The following ENOSF1 variants were observed in gnomAD, a reference collection of about 807,000 sequenced individuals.
The protein encoded by ENOSF1 is enolase superfamily member 1.
ENOSF1 carries 73 observed loss-of-function variants against 68.2 expected under a neutral mutation model. The observed-to-expected ratio is 1.07, with a 90% CI of 0.89 to 1.30. The LOEUF is 1.30. Ranked by LOEUF, ENOSF1 falls within the 50% of genes most tolerant of loss-of-function variation. ENOSF1 has a pLI of 0.00. For synonymous variants in ENOSF1, 223 were observed against 210.4 expected (o/e 1.06, Z -0.52); for missense variants, 589 against 554.5 (o/e 1.06, Z -0.62).
At chr18:676,692 G>A (rs1384272044) in intron 14 of ENOSF1, among the ~76,000 whole-genome samples, 1 of 152,194 alleles carries the variant, frequency 6.6e-6, no homozygotes, top group African/African-American at 2.4e-5. Context: ...TATATTAAAA[G>A]ACAGCACCTG....
chr18:704,440 G>GAAAAAAAAAAAAAA (rs11429267), intron 2 of ENOSF1, among the ~76,000 whole-genome samples: 2 of 97,254 alleles, frequency 2.1e-5, no homozygotes, highest in African/African-American at 3.8e-5. Context: ...AAAAAGAAAA[G>GAAAAAAAAAAAAAA]AAAAAAAAAA....
chr18:686,075 C>G, intron 9 of ENOSF1, 67 bp from the exon 10 acceptor site: 1 of 1,104,618 alleles, frequency 9.1e-7, no homozygotes, highest in Non-Finnish European at 1.4e-6. Flanking sequence ...TCTGGAGTTT[C>G]TGCAGAAGTG....
intron 10 of ENOSF1, 71 bp from the exon 11 acceptor site, chr18:683,451 G>A: frequency 6.3e-7 from 1 of 1,577,876 alleles, no homozygotes; most frequent in East Asian, 2.3e-5. Context: ...GGCTCCCAGG[G>A]AGGAAATGCT....
At position 702,993 on chromosome 18, in the gene ENOSF1, G is replaced by C. The variant is rs112456552; in HGVS notation, c.193+3477C>G. Among the ~76,000 whole-genome samples the C allele has an allele frequency of 4.9e-3, 746 of 152,248 alleles. 6 individuals carry two copies. The highest frequency in any genetic ancestry group is 0.017 in the African/African-American group (703 of 41,542). On this transcript the variant is annotated intron_variant, in intron 2 of 15. Transcript: ENST00000647584. ...GCAGAAGAACCAGGATGAGCTAATG[G>C]AATTTTTCATCTTTAGTGTGAGTGC...
At chr18:701,206 T>G (rs1196820895) in intron 2 of ENOSF1, among the ~76,000 whole-genome samples, 1 of 152,172 alleles carries the variant, frequency 6.6e-6, no homozygotes, top group Non-Finnish European at 1.5e-5. Flanking sequence ...TTTAAAAAAC[T>G]AACTTAGTCT....
In ENOSF1 at chr18:697,154, C is replaced by T. The variant is rs2077818504; in HGVS notation, c.309+86G>A. 1.5e-5 allele frequency: 14 copies of T among 909,476 alleles called. No homozygotes were observed. The South Asian group carries it at 1.9e-4, about 12-fold the overall frequency. 56.3% of individuals were successfully genotyped at this position (909,476 alleles called of 1,614,324 possible). A position where few individuals can be genotyped will look rare whatever the true frequency, so the allele number is the denominator to read the frequency against. On this transcript the variant is annotated intron_variant, in intron 3 of 15. Coordinates refer to ENST00000647584, the MANE Select transcript of ENOSF1 (RefSeq NM_017512.7). ...AATAAACAAATAAATAAACCCATCT[C>T]TATTTTCACATTCGTTGCACTCAAA...
At chr18:706,160 G>C (rs1478876096) in intron 2 of ENOSF1, among the ~76,000 whole-genome samples, 2 of 152,026 alleles carry the variant, frequency 1.3e-5, no homozygotes, top group East Asian at 3.9e-4. Flanking sequence ...AGTGGCCCCG[G>C]GTGAAAGGCA....
chr18:670,683 G>A lies in ENOSF1; in HGVS notation c.*3622C>T, dbSNP rs529628684. 2.5e-6 allele frequency: 4 copies of A among 1,613,078 alleles called. No homozygotes were observed. Among genetic ancestry groups the A allele is most frequent in the African/African-American group, 2.7e-5 (2 of 74,968 alleles). ...CATCCCTCCTTATCTTCCTCTGCTGGTTCCTCAGATCTTCCTCTGATGGCG... is the reference window on the plus strand; with the variant it reads ...CATCCCTCCTTATCTTCCTCTGCTGATTCCTCAGATCTTCCTCTGATGGCG... On this transcript the variant is annotated 3_prime_UTR_variant, in exon 16 of 16. Coordinates refer to ENST00000647584, the MANE Select transcript of ENOSF1 (RefSeq NM_017512.7).
intron 3 of ENOSF1, among the ~76,000 whole-genome samples, chr18:696,419 G>A (rs1033435841): frequency 2.0e-5 from 3 of 151,736 alleles, no homozygotes; most frequent in Non-Finnish European, 4.4e-5. Flanking sequence ...CACCATGTTA[G>A]CCAGGATGGT....
intron 1 of ENOSF1, among the ~76,000 whole-genome samples, chr18:708,171 T>C (rs2079141396): frequency 6.6e-6 from 1 of 151,924 alleles, no homozygotes; most frequent in African/African-American, 2.4e-5. Context: ...ACAAGTAAAT[T>C]ATGAAGGCAG....
downstream of ENOSF1, among the ~76,000 whole-genome samples, chr18:666,950 G>A: frequency 3.2e-5 from 1 of 31,350 alleles, no homozygotes. Flanking sequence ...GATGGTGATG[G>A]TGATGGAGAT....
At chr18:685,833 A>C in intron 10 of ENOSF1, 88 bp downstream of exon 10, 1 of 1,107,720 alleles carries the variant, frequency 9.0e-7, no homozygotes, top group Admixed American at 1.8e-5. Context: ...TAACTTTTTA[A>C]ATTCCCAATG....
intron 3 of ENOSF1, 109 bp downstream of exon 3, chr18:697,131 T>C (rs1037131450): frequency 1.6e-5 from 13 of 828,750 alleles, no homozygotes; most frequent in Middle Eastern, 2.4e-4. Context: ...AATAAATAAA[T>C]AAACAAATAA....
chr18:663,886 T>C, the ENOSF1 span, among the ~76,000 whole-genome samples: 1 of 111,546 alleles, frequency 9.0e-6, no homozygotes, highest in Non-Finnish European at 1.7e-5. Context: ...ATGTCTGTTT[T>C]GGTACCAGTA....
rs1443903579 is a variant in ENOSF1, at chr18:677,774, G to A, written c.1017C>T (p.Leu339=). ...ACTTTTTGGCCATCAGCAATACTGA[G>A]AGGTTCTCATTGACACTGCCCAGTC... is the stretch of plus-strand genomic sequence containing the variant. ...SCRLGSVNEN[L]SVLLMAKKFE... The change falls in exon 13 of 16, where the codon CTC becomes CTT. Residue 339 remains leucine (L), a synonymous_variant. Coordinates refer to ENST00000647584, the MANE Select transcript of ENOSF1 (RefSeq NM_017512.7). 6.2e-6 allele frequency: 10 copies of A among 1,614,016 alleles called. No individual in the cohort carries two copies. Among genetic ancestry groups the A allele is most frequent in the African/African-American group, 2.7e-5 (2 of 74,934 alleles).
chr18:688,526 G>C (rs374747914), intron 9 of ENOSF1, 48 bp downstream of exon 9: 22 of 1,613,404 alleles, frequency 1.4e-5, no homozygotes, highest in Non-Finnish European at 1.9e-5. Flanking sequence ...TACTGCCTGA[G>C]TCTCTCCTGC....
Position 671,689 on chromosome 18 carries a change from G to A in ENOSF1, c.*2616C>T. ...GGTACTAAGCACCAGTACCAGAGAG[G>A]GAAGAGCCACATTCAAGCCAGGGGA... On this transcript the variant is annotated 3_prime_UTR_variant, in exon 16 of 16. Transcript: ENST00000647584. 1.9e-6 allele frequency: 1 copy of A among 523,816 alleles called. No homozygotes were observed. Among genetic ancestry groups the A allele is most frequent in the Non-Finnish European group, 3.3e-6 (1 of 301,432 alleles). 32.4% of individuals were successfully genotyped at this position (523,816 alleles called of 1,614,324 possible).
chr18:668,950 C>T (rs2074920821), downstream of ENOSF1: 3 of 714,776 alleles, frequency 4.2e-6, no homozygotes, highest in Non-Finnish European at 6.8e-6. Context: ...CACCAGATGT[C>T]TTGTAGCCAT....
rs757797001 is a variant in ENOSF1 at position 675,453 on chromosome 18, C to G, written c.1149-51G>C. 4.7e-6 allele frequency: 7 copies of G among 1,483,910 alleles called. 1 individual carries two copies. The highest frequency in any genetic ancestry group is 4.7e-6 in the Non-Finnish European group (5 of 1,072,306). 91.9% of individuals were successfully genotyped at this position (1,483,910 alleles called of 1,614,324 possible). A position where few individuals can be genotyped will look rare whatever the true frequency, so the allele number is the denominator to read the frequency against. ...CAATGATGCCTGAAGTCAGATTATT[C>G]ACGTGGTGCTAACTTAAAGCAGAAG... On this transcript the variant is annotated intron_variant, in intron 14 of 15. Transcript: ENST00000647584.
Sources: allele counts gnomAD v4.1 joint callset (sites outside exome capture counted in the v4.1 genomes callset), GRCh38; gene constraint gnomAD v4.1.1; transcripts MANE v1.5; gene names NCBI Gene and HGNC (gene_info 2026-07-23, HGNC 2026-07-21).